FSD2: variants seen among roughly 807,000 people sequenced by gnomAD.
The protein encoded by FSD2 is fibronectin type III and SPRY domain-containing protein 2.
In FSD2, 71 loss-of-function variants were observed where a neutral mutation model predicts 80.4. The ratio of observed to expected loss-of-function variants is 0.88; its 90% CI spans 0.73 to 1.08. The LOEUF is 1.08. Ranked by LOEUF, FSD2 falls within the 50% of genes least tolerant of loss-of-function variation. The pLI, the probability that FSD2 is intolerant of heterozygous loss-of-function variation, is 0.00. For synonymous variants in FSD2, 361 were observed against 329.5 expected (o/e 1.10, Z -1.03); for missense variants, 923 against 913.8 (o/e 1.01, Z -0.13).
rs548046378 is a variant in FSD2 at position 82,794,563 on chromosome 15, A to C, written c.-78-7095T>G. On this transcript the variant is annotated intron_variant, in intron 1 of 12. Coordinates refer to ENST00000334574, the MANE Select transcript of FSD2 (RefSeq NM_001007122.4). ...TGTTGATCTTCTGCTTAGTCATTCT[A>C]TCCATTACTGAAAGCAGAGTATTGA... is the stretch of plus-strand genomic sequence containing the variant. Among the ~76,000 whole-genome samples the C allele has an allele frequency of 2.6e-5, 4 of 152,172 alleles. No homozygotes were observed. In the South Asian group the frequency reaches 8.3e-4, roughly 32 times the overall value.
At chr15:82,766,155 T>A in intron 9 of FSD2, 124 bp from the exon 10 acceptor site, 1 of 1,081,538 alleles carries the variant, frequency 9.2e-7, no homozygotes, top group Non-Finnish European at 1.3e-6. Flanking sequence ...GACCCACATT[T>A]AACAGCAGCA....
intron 8 of FSD2, among the ~76,000 whole-genome samples, chr15:82,769,258 C>G (rs1247344326): frequency 6.6e-6 from 1 of 152,092 alleles, no homozygotes; most frequent in Non-Finnish European, 1.5e-5. Context: ...ATTTTGAGAC[C>G]AACCATCAGA....
At position 82,786,523 on chromosome 15, in the gene FSD2, G is replaced by C. The variant is rs1341033212; in HGVS notation, c.723C>G (p.Phe241Leu). 1 of 1,612,890 alleles carries C rather than the reference G, an allele frequency of 6.2e-7. No homozygotes were observed. The highest frequency in any genetic ancestry group is 8.5e-7 in the Non-Finnish European group (1 of 1,179,294). Residue 241 changes from phenylalanine to leucine, a missense_variant, in exon 3 of 13, where the codon TTC becomes TTG. Phe to Leu is a conservative substitution (Grantham distance 22). Transcript: ENST00000334574. ...ENFANHLEEV[F>L]ITVEENFGKQ... ...AGTGTGCTCTTACCTCCACAGTGATGAAAACCTCCTCCAAATGATTTGCAA... is the reference window on the plus strand; with the variant it reads ...AGTGTGCTCTTACCTCCACAGTGATCAAAACCTCCTCCAAATGATTTGCAA...
intron 3 of FSD2, among the ~76,000 whole-genome samples, chr15:82,783,289 G>A (rs1356976926): frequency 6.6e-6 from 1 of 151,988 alleles, no homozygotes; most frequent in Non-Finnish European, 1.5e-5. Context: ...AGTAGAGATG[G>A]GGTTTCATCA....
intron 6 of FSD2, among the ~76,000 whole-genome samples, chr15:82,778,323 A>C (rs2049773355): frequency 6.6e-6 from 1 of 151,816 alleles, no homozygotes; most frequent in African/African-American, 2.4e-5. Flanking sequence ...TTTAAAAAGT[A>C]TGTGTGTGTA....
chr15:82,797,466 A>G (rs568403155), intron 1 of FSD2, among the ~76,000 whole-genome samples: 319 of 152,378 alleles, frequency 2.1e-3, no homozygotes, highest in Middle Eastern at 0.014. Flanking sequence ...ACTTTTTTTA[A>G]AAAAGCTCCA....
intron 3 of FSD2, among the ~76,000 whole-genome samples, chr15:82,784,828 C>T (rs2049957442): frequency 6.6e-6 from 1 of 152,186 alleles, no homozygotes. Context: ...AAGTCCTAAG[C>T]TCCTCAGTCC....
chr15:82,762,352 T>A, intron 11 of FSD2, 74 bp from the exon 12 acceptor site: 1 of 1,439,182 alleles, frequency 6.9e-7, no homozygotes, highest in Non-Finnish European at 9.5e-7. Flanking sequence ...TGATGCCAGT[T>A]GCTGGGATCA....
intron 1 of FSD2, among the ~76,000 whole-genome samples, chr15:82,791,754 A>G (rs1411943281): frequency 6.6e-6 from 1 of 152,088 alleles, no homozygotes; most frequent in Non-Finnish European, 1.5e-5. Context: ...CATCTCCCCT[A>G]TCCTAAGCAA....
intron 9 of FSD2, among the ~76,000 whole-genome samples, chr15:82,768,629 AC>A: frequency 6.8e-6 from 1 of 147,474 alleles, no homozygotes; most frequent in East Asian, 2.0e-4. Context: ...TGAATGGGAA[AC>A]CTTACTTGAG....
At chr15:82,781,566 G>A (rs989717834) in intron 4 of FSD2, among the ~76,000 whole-genome samples, 1 of 152,156 alleles carries the variant, frequency 6.6e-6, no homozygotes, top group African/African-American at 2.4e-5. Flanking sequence ...AATTCCCATA[G>A]CCTAGCCATG....
chr15:82,771,417 T>C (rs2049567095), intron 7 of FSD2, among the ~76,000 whole-genome samples: 1 of 152,238 alleles, frequency 6.6e-6, no homozygotes, highest in Non-Finnish European at 1.5e-5. Context: ...GCTCTTCTGT[T>C]GTCTGACCCT....
At chr15:82,791,501 G>T (rs934139809) in intron 1 of FSD2, among the ~76,000 whole-genome samples, 1 of 152,070 alleles carries the variant, frequency 6.6e-6, no homozygotes, top group Non-Finnish European at 1.5e-5. Context: ...CTCCCAAGTA[G>T]CTGGGACTAC....
At chr15:82,798,995 A>G (rs951947494) in intron 1 of FSD2, among the ~76,000 whole-genome samples, 1 of 148,026 alleles carries the variant, frequency 6.8e-6, no homozygotes, top group Non-Finnish European at 1.5e-5. Flanking sequence ...CTCCCACCTC[A>G]GCCTCCTGAG....
At chr15:82,782,218 A>G (rs1490499071) in intron 4 of FSD2, among the ~76,000 whole-genome samples, 4 of 149,900 alleles carry the variant, frequency 2.7e-5, no homozygotes, top group African/African-American at 9.9e-5. Context: ...ACACAGTGAA[A>G]CCCCGTCTCT....
At chr15:82,799,388 C>A (rs549979802) in intron 1 of FSD2, among the ~76,000 whole-genome samples, 3 of 152,136 alleles carry the variant, frequency 2.0e-5, no homozygotes, top group African/African-American at 4.8e-5. Context: ...TATATGCAGG[C>A]ATCCCCTTAA....
intron 9 of FSD2, among the ~76,000 whole-genome samples, chr15:82,768,276 A>T (rs1306146073): frequency 6.6e-6 from 1 of 152,160 alleles, no homozygotes; most frequent in Non-Finnish European, 1.5e-5. Flanking sequence ...CTCCTGCCCC[A>T]GGGCCTGTGT....
intron 2 of FSD2, 30 bp downstream of exon 2, chr15:82,786,722 G>A: frequency 2.5e-6 from 4 of 1,610,340 alleles, no homozygotes; most frequent in Non-Finnish European, 3.4e-6. Context: ...GCAATATCAA[G>A]ACAGAGAAGA....
At chr15:82,786,458 A>G in intron 3 of FSD2, 53 bp downstream of exon 3, 3 of 1,316,982 alleles carry the variant, frequency 2.3e-6, no homozygotes, top group Non-Finnish European at 3.3e-6. Context: ...TGCTTGACAT[A>G]GCCATTGATG....
Sources: allele counts gnomAD v4.1 joint callset (sites outside exome capture counted in the v4.1 genomes callset), GRCh38; gene constraint gnomAD v4.1.1; transcripts MANE v1.5; gene names NCBI Gene and HGNC (gene_info 2026-07-23, HGNC 2026-07-21).